The following NMNAT3 variants were observed in gnomAD, a reference collection of about 807,000 sequenced individuals.
The protein encoded by NMNAT3 is nicotinamide/nicotinic acid mononucleotide adenylyltransferase 3.
A neutral mutation model predicts 24.8 loss-of-function variants in NMNAT3; 21 were observed. The observed-to-expected ratio is 0.85, with a 90% CI of 0.60 to 1.22. The LOEUF is 1.22. Among genes scored for constraint, NMNAT3 ranks in the 50% most tolerant of loss-of-function variants. The probability of loss-of-function intolerance (pLI) is 0.00; values close to 1 mark genes in which losing one functional copy is unlikely to be tolerated. For synonymous variants in NMNAT3, 136 were observed against 155.2 expected, an observed-to-expected ratio of 0.88 and a Z score of 0.92; for missense variants, 387 against 436.6, an observed-to-expected ratio of 0.89 and a Z score of 1.01.
chr3:139,618,270 A>C (rs569724236), intron 3 of NMNAT3, among the ~76,000 whole-genome samples: 4 of 152,344 alleles, frequency 2.6e-5, no homozygotes, highest in Non-Finnish European at 4.4e-5. Flanking sequence ...TAACAATGAA[A>C]TCTACAGACG....
At chr3:139,642,654 G>C (rs909165067) in intron 1 of NMNAT3, among the ~76,000 whole-genome samples, 1 of 152,148 alleles carries the variant, frequency 6.6e-6, no homozygotes. Context: ...TGCATCCAGT[G>C]TCCCATGGGC....
chr3:139,574,215 T>A (rs554141939), intron 5 of NMNAT3, among the ~76,000 whole-genome samples: 2 of 152,244 alleles, frequency 1.3e-5, no homozygotes, highest in African/African-American at 4.8e-5. Context: ...AATAGGGTGA[T>A]GGCCAAGAGC....
chr3:139,592,236 G>A (rs1421841539), intron 3 of NMNAT3, among the ~76,000 whole-genome samples: 1 of 152,114 alleles, frequency 6.6e-6, no homozygotes, highest in Non-Finnish European at 1.5e-5. Flanking sequence ...AAGATGAAAT[G>A]AATGAAATGA....
At chr3:139,594,490 C>G (rs1237329400) in intron 3 of NMNAT3, among the ~76,000 whole-genome samples, 2 of 152,178 alleles carry the variant, frequency 1.3e-5, no homozygotes, top group Non-Finnish European at 2.9e-5. Flanking sequence ...GATACCAAAG[C>G]CTGACAGAGA....
intron 5 of NMNAT3, chr3:139,576,023 G>A: frequency 1.6e-6 from 2 of 1,288,966 alleles, no homozygotes; most frequent in Non-Finnish European, 2.0e-6. Context: ...ACAAGATCAT[G>A]TCTGCAAAGA....
intron 6 of NMNAT3, 135 bp downstream of exon 6, chr3:139,573,463 C>A: frequency 2.3e-6 from 1 of 435,722 alleles, no homozygotes; most frequent in Non-Finnish European, 4.1e-6. Context: ...CCCAACCAGG[C>A]AGGCCTTAAA....
intron 6 of NMNAT3, among the ~76,000 whole-genome samples, chr3:139,572,849 T>C (rs1215995417): frequency 1.3e-5 from 2 of 152,208 alleles, no homozygotes; most frequent in Admixed American, 6.5e-5. Flanking sequence ...TTAGGTGTGC[T>C]AAACCCCAGC....
At chr3:139,619,999 A>G (rs1031123306) in intron 3 of NMNAT3, among the ~76,000 whole-genome samples, 1 of 151,364 alleles carries the variant, frequency 6.6e-6, no homozygotes, top group East Asian at 1.9e-4. Context: ...AATTTCTCCA[A>G]CTCCCTCATG....
chr3:139,591,671 G>C (rs1291322266), intron 3 of NMNAT3, among the ~76,000 whole-genome samples: 1 of 137,940 alleles, frequency 7.2e-6, no homozygotes, highest in African/African-American at 2.7e-5. Context: ...CCTGACCCCC[G>C]AGCAGCCTAA....
At position 139,654,385 on chromosome 3, in the gene NMNAT3, G is replaced by A. The variant is rs78455586; in HGVS notation, c.-140-16323C>T. On this transcript the variant is annotated intron_variant, in intron 1 of 6. Coordinates refer to ENST00000643695, the MANE Select transcript of NMNAT3 (RefSeq NM_001320510.2). ...CAGGGAGAGAGAGAGCCAGACGCTG[G>A]GTTACAAAGCAAGGGCAAAAGTAAG... Among the ~76,000 whole-genome samples the A allele has an allele frequency of 2.6e-3, 403 of 152,222 alleles. 2 individuals are homozygous for A. Among genetic ancestry groups the A allele is most frequent in the African/African-American group, 9.3e-3 (386 of 41,542 alleles).
intron 5 of NMNAT3, among the ~76,000 whole-genome samples, chr3:139,576,818 A>T (rs977912115): frequency 6.6e-6 from 1 of 152,140 alleles, no homozygotes; most frequent in African/African-American, 2.4e-5. Context: ...GCACTTTGGG[A>T]GGCTGAGGTA....
intron 1 of NMNAT3, among the ~76,000 whole-genome samples, chr3:139,673,899 C>T (rs568598902): frequency 1.3e-5 from 2 of 152,112 alleles, no homozygotes; most frequent in African/African-American, 2.4e-5. Context: ...GGTAATTCAG[C>T]GTGGCCAGAG....
At chr3:139,589,475 G>T (rs1479045801) in intron 3 of NMNAT3, among the ~76,000 whole-genome samples, 2 of 152,188 alleles carry the variant, frequency 1.3e-5, no homozygotes, top group Non-Finnish European at 2.9e-5. Flanking sequence ...TGGAAAGCAG[G>T]ATAGCATTGG....
At chr3:139,600,885 A>G (rs1262392458) in intron 3 of NMNAT3, among the ~76,000 whole-genome samples, 1 of 152,104 alleles carries the variant, frequency 6.6e-6, no homozygotes, top group Admixed American at 6.6e-5. Context: ...TCTGTCTCCC[A>G]TCATTTAACA....
chr3:139,610,811 A>G (rs1643354260), intron 3 of NMNAT3, among the ~76,000 whole-genome samples: 1 of 152,218 alleles, frequency 6.6e-6, no homozygotes, highest in African/African-American at 2.4e-5. Context: ...TTCTCTCCAT[A>G]TTCACTGTGC....
chr3:139,612,585 T>C (rs2055278349), intron 3 of NMNAT3, among the ~76,000 whole-genome samples: 3 of 152,188 alleles, frequency 2.0e-5, no homozygotes, highest in Admixed American at 2.0e-4. Context: ...GAAGTGGGCC[T>C]GAATGCTCAG....
intron 3 of NMNAT3, among the ~76,000 whole-genome samples, chr3:139,596,232 C>G (rs537016277): frequency 6.6e-6 from 1 of 152,016 alleles, no homozygotes; most frequent in Non-Finnish European, 1.5e-5. Context: ...ACTTTGCTCA[C>G]GGAGAAAGGA....
chr3:139,613,254 C>G (rs544104727), intron 3 of NMNAT3, among the ~76,000 whole-genome samples: 2 of 152,236 alleles, frequency 1.3e-5, no homozygotes, highest in Non-Finnish European at 2.9e-5. Context: ...GGGCTAATAC[C>G]CGGAATCTAC....
At chr3:139,580,925 A>G (rs1360561688) in intron 4 of NMNAT3, among the ~76,000 whole-genome samples, 1 of 152,194 alleles carries the variant, frequency 6.6e-6, no homozygotes, top group Non-Finnish European at 1.5e-5. Flanking sequence ...GTATGAATTC[A>G]CCTATGAATT....
Sources: gnomAD v4.1 joint callset for allele counts (sites outside exome capture counted in the v4.1 genomes callset) on GRCh38, gnomAD v4.1.1 for gene constraint, MANE v1.5 for transcripts, NCBI Gene and HGNC (gene_info 2026-07-23, HGNC 2026-07-21) for gene names.